Variants in KDM4C observed in about 807,000 individuals in gnomAD.
The protein encoded by KDM4C is lysine demethylase 4C, also known as lysine-specific demethylase 4C.
KDM4C carries 81 observed loss-of-function variants against 129.3 expected under a neutral mutation model. That is an observed-to-expected ratio of 0.63 (90% confidence interval 0.52 to 0.75). KDM4C has a LOEUF of 0.75. Ranked by LOEUF, KDM4C falls within the 30% of genes least tolerant of loss-of-function variation. The pLI is 0.00. For synonymous variants in KDM4C, 573 were observed against 456.1 expected, an observed-to-expected ratio of 1.26 and a Z score of -3.26; for missense variants, 1,457 against 1,304.0, an observed-to-expected ratio of 1.12 and a Z score of -1.81.
chr9:7,049,008 C>A, intron 16 of KDM4C, 84 bp from the exon 17 acceptor site: 2 of 848,486 alleles, frequency 2.4e-6, no homozygotes, highest in Non-Finnish European at 4.0e-6. Context: ...TGTGTATTTC[C>A]CATCTGTGAG....
intron 1 of KDM4C, among the ~76,000 whole-genome samples, chr9:6,790,867 A>ATTT (rs1172405561): frequency 3.3e-5 from 5 of 152,082 alleles, no homozygotes; most frequent in Admixed American, 3.3e-4. Context: ...TGAAGGAATC[A>ATTT]TCCTGTTTAT....
chr9:7,169,694 T>G (rs1314660306), intron 20 of KDM4C, 104 bp from the exon 21 acceptor site: 1 of 886,822 alleles, frequency 1.1e-6, no homozygotes, highest in African/African-American at 1.7e-5. Flanking sequence ...CCCTTGTTTG[T>G]TCTGTTTGAG....
intron 8 of KDM4C, among the ~76,000 whole-genome samples, chr9:6,943,416 G>A (rs987952226): frequency 6.6e-6 from 1 of 152,104 alleles, no homozygotes; most frequent in Non-Finnish European, 1.5e-5. Context: ...CTTTAAAATT[G>A]CACAAATAAG....
chr9:6,776,652 T>C (rs1211129504), intron 1 of KDM4C, among the ~76,000 whole-genome samples: 1 of 147,812 alleles, frequency 6.8e-6, no homozygotes, highest in East Asian at 1.9e-4. Context: ...TTGACCAGGC[T>C]GGAGTGCAAT....
intron 18 of KDM4C, among the ~76,000 whole-genome samples, chr9:7,126,210 G>T (rs1176954401): frequency 6.6e-6 from 1 of 152,128 alleles, no homozygotes; most frequent in Admixed American, 6.6e-5. Flanking sequence ...AGGAGAAGAG[G>T]GGGAGGGAGA....
chr9:6,964,730 C>T (rs944160297), intron 8 of KDM4C, among the ~76,000 whole-genome samples: 6 of 141,244 alleles, frequency 4.2e-5, no homozygotes, highest in Admixed American at 2.4e-4. Flanking sequence ...TGCAGTGAGC[C>T]GAGATCACGC....
chr9:6,859,080 G>A (rs996961966), intron 5 of KDM4C, among the ~76,000 whole-genome samples: 2 of 152,206 alleles, frequency 1.3e-5, no homozygotes, highest in Middle Eastern at 6.8e-3. Flanking sequence ...TTTTTAGTTA[G>A]TAGGGTTTGA....
Position 6,834,957 on chromosome 9 carries a change from G to C in KDM4C, c.436-14550G>C, listed in dbSNP as rs187158407. 1,867 of 1,032,230 alleles carry C rather than the reference G, an allele frequency of 1.8e-3. 6 individuals carry two copies. The highest frequency in any genetic ancestry group is 0.012 in the Middle Eastern group (57 of 4,882). 63.9% of individuals were successfully genotyped at this position (1,032,230 alleles called of 1,614,324 possible). A position where few individuals can be genotyped will look rare whatever the true frequency, so the allele number is the denominator to read the frequency against. ...ACCCACAGTGTGCCCATCTGCGAGG[G>C]ATATGCCCTCCCCCACACCATCCTG... On this transcript the variant is annotated intron_variant, in intron 4 of 21. Coordinates refer to ENST00000381309, the MANE Select transcript of KDM4C (RefSeq NM_015061.6).
At chr9:6,859,465 C>A in intron 5 of KDM4C, among the ~76,000 whole-genome samples, 1 of 114,808 alleles carries the variant, frequency 8.7e-6, no homozygotes, top group African/African-American at 3.6e-5. Context: ...CAGAGCGGGA[C>A]TCTGTCTCAA....
At chr9:7,081,446 C>A (rs1834510756) in intron 17 of KDM4C, among the ~76,000 whole-genome samples, 1 of 152,086 alleles carries the variant, frequency 6.6e-6, no homozygotes, top group African/African-American at 2.4e-5. Context: ...TCCAGCATAC[C>A]AAACTCACCG....
rs1328954528 is a variant in KDM4C at position 6,925,641 on chromosome 9, A to G, written c.921+32409A>G. 9 of 985,120 alleles carry G rather than the reference A, an allele frequency of 9.1e-6. No homozygotes were observed. The African/African-American group carries it at 1.6e-4, about 17-fold the overall frequency. The allele number at this position is 985,120 out of a possible 1,614,324, so 61.0% of individuals were successfully genotyped here. Reference sequence around the variant, plus strand: ...TTGGCTTGTTTACCATCAGCCCTTCACCGTTTCAGAAAGATGCTGTTCGGA... The same window carrying G: ...TTGGCTTGTTTACCATCAGCCCTTCGCCGTTTCAGAAAGATGCTGTTCGGA... On this transcript the variant is annotated intron_variant, in intron 8 of 21. Coordinates refer to ENST00000381309, the MANE Select transcript of KDM4C (RefSeq NM_015061.6).
At chr9:6,835,382 A>G in intron 4 of KDM4C, 10 of 1,111,560 alleles carry the variant, frequency 9.0e-6, no homozygotes, top group South Asian at 2.5e-5. Flanking sequence ...AGCGTTGCCA[A>G]CAGGATGCAG....
chr9:6,930,123 C>T (rs1018062835), intron 8 of KDM4C, among the ~76,000 whole-genome samples: 9 of 152,150 alleles, frequency 5.9e-5, no homozygotes, highest in South Asian at 2.1e-4. Context: ...GTGTCTCTAT[C>T]GCCTAAGATT....
In KDM4C at chr9:6,870,866, G is replaced by C. The variant is rs181586511; in HGVS notation, c.630-9146G>C. On this transcript the variant is annotated intron_variant, in intron 5 of 21. Coordinates refer to ENST00000381309, the MANE Select transcript of KDM4C (RefSeq NM_015061.6). Reference sequence around the variant, plus strand: ...TATAGGGCAGGCTTGTTTTAGGACTGACCTGCCTGAGCATGACGTGGGCCT... The same window carrying C: ...TATAGGGCAGGCTTGTTTTAGGACTCACCTGCCTGAGCATGACGTGGGCCT... 3.3e-5 allele frequency among the ~76,000 whole-genome samples: 5 copies of C among 152,236 alleles called. No individual in the cohort carries two copies. The East Asian group carries it at 9.7e-4, about 29-fold the overall frequency.
intron 18 of KDM4C, among the ~76,000 whole-genome samples, chr9:7,114,674 C>T (rs923709785): frequency 6.6e-6 from 1 of 152,048 alleles, no homozygotes; most frequent in African/African-American, 2.4e-5. Flanking sequence ...AAAAGCAGAC[C>T]CATCAGAATG....
chr9:6,995,352 G>GACAC (rs143193271), intron 12 of KDM4C, among the ~76,000 whole-genome samples: 6 of 150,920 alleles, frequency 4.0e-5, no homozygotes, highest in Non-Finnish European at 7.4e-5. Flanking sequence ...CACAGGCACA[G>GACAC]ACACACACAC....
chr9:7,086,572 G>GT (rs1401844069), intron 17 of KDM4C, among the ~76,000 whole-genome samples: 1 of 152,124 alleles, frequency 6.6e-6, no homozygotes, highest in African/African-American at 2.4e-5. Context: ...CTGCCCTTAG[G>GT]TAAGTGCTGT....
chr9:6,919,228 T>G (rs1479097673), intron 8 of KDM4C, among the ~76,000 whole-genome samples: 2 of 87,472 alleles, frequency 2.3e-5, no homozygotes, highest in Admixed American at 1.0e-4. Context: ...TTTTCCTTCT[T>G]TCTTTCTTTC....
intron 17 of KDM4C, among the ~76,000 whole-genome samples, chr9:7,081,661 G>A (rs751530931): frequency 1.3e-4 from 20 of 152,092 alleles, no homozygotes; most frequent in Non-Finnish European, 2.8e-4. Flanking sequence ...AACACCTCAC[G>A]AGCCCAGAGC....
Sources: allele counts gnomAD v4.1 joint callset (sites outside exome capture counted in the v4.1 genomes callset), GRCh38; gene constraint gnomAD v4.1.1; transcripts MANE v1.5; gene names NCBI Gene and HGNC (gene_info 2026-07-23, HGNC 2026-07-21).